Variants in SLC26A4 observed in about 807,000 individuals in gnomAD.
SLC26A4 encodes solute carrier family 26 member 4.
SLC26A4 carries 93 observed loss-of-function variants against 90.4 expected under a neutral mutation model. The observed-to-expected ratio is 1.03, with a 90% CI of 0.87 to 1.22. The LOEUF (loss-of-function observed/expected upper bound fraction) is 1.22, where lower values mean the gene tolerates loss of function less well. Ranked by LOEUF, SLC26A4 falls within the 50% of genes most tolerant of loss-of-function variation. The pLI, the probability that SLC26A4 is intolerant of heterozygous loss-of-function variation, is 0.00. For missense variants in SLC26A4, 1,127 were observed against 946.2 expected (o/e 1.19, Z -2.51); for synonymous variants, 393 against 354.6 (o/e 1.11, Z -1.22).
In SLC26A4 at chr7:107,694,412, A is replaced by G; in HGVS notation, c.1273A>G (p.Ile425Val). Residue 425 changes from isoleucine to valine, a missense_variant, in exon 11 of 21, where the codon ATC becomes GTC. Ile to Val is a conservative substitution (Grantham distance 29, BLOSUM62 3). Transcript: ENST00000644269. ...STGGKTQVAG[I>V]ISAAIVMIAI... ...GGTGTGTGTCTTCCAGGTTGCTGGCATCATCTCTGCTGCGATTGTGATGAT... is the reference window on the plus strand; with the variant it reads ...GGTGTGTGTCTTCCAGGTTGCTGGCGTCATCTCTGCTGCGATTGTGATGAT... 2.5e-6 allele frequency: 4 copies of G among 1,613,496 alleles called. No individual in the cohort carries two copies. Among genetic ancestry groups the G allele is most frequent in the Non-Finnish European group, 3.4e-6 (4 of 1,179,516 alleles).
chr7:107,691,932 C>G, intron 10 of SLC26A4: 1 of 1,286,954 alleles, frequency 7.8e-7, no homozygotes, highest in Non-Finnish European at 1.0e-6. Context: ...GCAGCAGGAA[C>G]TTCTGCTGCT....
At chr7:107,662,978 A>G (rs1193940111) in intron 2 of SLC26A4, among the ~76,000 whole-genome samples, 1 of 152,226 alleles carries the variant, frequency 6.6e-6, no homozygotes, top group African/African-American at 2.4e-5. Flanking sequence ...ATCTCCATTT[A>G]GAGACTCCAC....
intron 3 of SLC26A4, among the ~76,000 whole-genome samples, chr7:107,671,149 G>T (rs945563981): frequency 6.6e-6 from 1 of 152,070 alleles, no homozygotes; most frequent in African/African-American, 2.4e-5. Context: ...CCTTTGGAGT[G>T]AATTGACCAA....
At chr7:107,674,880 T>G in intron 5 of SLC26A4, 65 bp from the exon 6 acceptor site, 1 of 1,485,482 alleles carries the variant, frequency 6.7e-7, no homozygotes, top group Non-Finnish European at 9.4e-7. Flanking sequence ...TGATGTAATA[T>G]TTCCAGAGAG....
chr7:107,687,916 T>G (rs1323533675), intron 8 of SLC26A4, among the ~76,000 whole-genome samples: 2 of 152,148 alleles, frequency 1.3e-5, no homozygotes, highest in Non-Finnish European at 2.9e-5. Flanking sequence ...TGTCTACAGA[T>G]GGGGTTCATT....
chr7:107,686,267 T>TCCTTCCCTCCCTTTCCTACCTGCACTC (rs1791397744), intron 8 of SLC26A4, among the ~76,000 whole-genome samples: 1 of 141,918 alleles, frequency 7.0e-6, no homozygotes, highest in African/African-American at 2.7e-5. Context: ...TTTCTTCCCT[T>TCCTTCCCTCCCTTTCCTACCTGCACTC]CCTTCCCTCC....
chr7:107,697,992 C>T, intron 13 of SLC26A4, 50 bp from the exon 14 acceptor site: 1 of 1,208,768 alleles, frequency 8.3e-7, no homozygotes, highest in Non-Finnish European at 1.2e-6. Context: ...CTTTTTATTC[C>T]AAAATACGGC....
intron 10 of SLC26A4, chr7:107,691,970 T>C: frequency 3.9e-6 from 5 of 1,288,260 alleles, no homozygotes; most frequent in Non-Finnish European, 4.0e-6. Context: ...ACTGACAAGC[T>C]CTCCAGAGCA....
chr7:107,678,060 G>C (rs1168212968), intron 6 of SLC26A4, among the ~76,000 whole-genome samples: 1 of 152,160 alleles, frequency 6.6e-6, no homozygotes, highest in Non-Finnish European at 1.5e-5. Context: ...GATTATAGGT[G>C]TGGGCCACTG....
In SLC26A4 at chr7:107,665,743, A is replaced by G. The variant is rs570597031; in HGVS notation, c.304+2308A>G. Among the ~76,000 whole-genome samples the G allele has an allele frequency of 2.0e-5, 3 of 152,316 alleles. No individual in the cohort carries two copies. In the South Asian group the frequency reaches 6.2e-4, roughly 32 times the overall value. On this transcript the variant is annotated intron_variant, in intron 3 of 20. Transcript: ENST00000644269. ...TTGCCAGCTATCTCATTTAATCCTC[A>G]TAACAATCCTGCTAGGTAGGTCTAT... is the stretch of plus-strand genomic sequence containing the variant.
intron 3 of SLC26A4, among the ~76,000 whole-genome samples, chr7:107,668,522 G>A (rs923529875): frequency 1.3e-5 from 2 of 152,136 alleles, no homozygotes; most frequent in Non-Finnish European, 1.5e-5. Context: ...CTGAGTAGTA[G>A]AACAACTCCG....
At chr7:107,695,295 G>A (rs987282491) in intron 12 of SLC26A4, among the ~76,000 whole-genome samples, 4 of 152,112 alleles carry the variant, frequency 2.6e-5, no homozygotes, top group East Asian at 1.9e-4. Context: ...AAATAAAAGC[G>A]GATACAAGGA....
rs1792335419 is a variant in SLC26A4, at chr7:107,715,928, T to C, written c.*482T>C. 6.4e-6 allele frequency: 1 copy of C among 155,792 alleles called. No homozygotes were observed. Among genetic ancestry groups the C allele is most frequent in the Admixed American group, 6.2e-5 (1 of 16,018 alleles). The allele number at this position is 155,792 out of a possible 1,614,324, so 9.7% of individuals were successfully genotyped here. On this transcript the variant is annotated 3_prime_UTR_variant, in exon 21 of 21. Coordinates refer to ENST00000644269, the MANE Select transcript of SLC26A4 (RefSeq NM_000441.2). Reference sequence around the variant, plus strand: ...TTAATGCATTTATCAATAAAAGCCTTTGAAAATACTTTGGATAATAAATTG... The same window carrying C: ...TTAATGCATTTATCAATAAAAGCCTCTGAAAATACTTTGGATAATAAATTG...
At chr7:107,673,576 A>G (rs1174162331) in intron 4 of SLC26A4, among the ~76,000 whole-genome samples, 1 of 152,148 alleles carries the variant, frequency 6.6e-6, no homozygotes, top group African/African-American at 2.4e-5. Flanking sequence ...CCCTGTCCCC[A>G]CCACCCATAC....
At chr7:107,708,040 C>T (rs758971726) in intron 18 of SLC26A4, among the ~76,000 whole-genome samples, 1 of 152,176 alleles carries the variant, frequency 6.6e-6, no homozygotes, top group Non-Finnish European at 1.5e-5. Context: ...AGGCCAGTTA[C>T]CTGGAAGAGA....
chr7:107,689,895 T>C (rs1176437858), intron 9 of SLC26A4, among the ~76,000 whole-genome samples: 10 of 152,202 alleles, frequency 6.6e-5, no homozygotes, highest in Non-Finnish European at 1.2e-4. Flanking sequence ...CTATTTCTTG[T>C]CAACTTTAAA....
In SLC26A4 at chr7:107,689,161, A is replaced by G. The variant is rs886061886; in HGVS notation, c.1110A>G (p.Val370=). ...CTATTGCAGTGTCAGTAGGAAAAGT[A>G]TATGCCACCAAGTATGATTACACCA... ...AYAIAVSVGK[V]YATKYDYTID... The change falls in exon 9 of 21, where the codon GTA becomes GTG. Residue 370 remains valine, a synonymous_variant. Transcript: ENST00000644269. 50 of 1,613,826 alleles carry G rather than the reference A, an allele frequency of 3.1e-5. No homozygotes were observed. The highest frequency in any genetic ancestry group is 1.0e-4 in the Admixed American group (6 of 59,990).
intron 8 of SLC26A4, among the ~76,000 whole-genome samples, chr7:107,685,484 G>A (rs1050385314): frequency 2.0e-5 from 3 of 152,098 alleles, no homozygotes; most frequent in East Asian, 1.9e-4. Flanking sequence ...GCTGCTGCTC[G>A]TAGTTCCCTT....
intron 8 of SLC26A4, 145 bp from the exon 9 acceptor site, chr7:107,688,908 T>C (rs1791489096): frequency 1.0e-5 from 8 of 763,652 alleles, no homozygotes. Flanking sequence ...GCTACTATCA[T>C]GTATGTATTT....
Sources: gnomAD v4.1 joint callset for allele counts (sites outside exome capture counted in the v4.1 genomes callset) on GRCh38, gnomAD v4.1.1 for gene constraint, MANE v1.5 for transcripts, NCBI Gene and HGNC (gene_info 2026-07-23, HGNC 2026-07-21) for gene names.